SETD2: variants seen among roughly 807,000 people sequenced by gnomAD.
SETD2 encodes SET domain containing 2, histone lysine methyltransferase.
In SETD2, 31 loss-of-function variants were observed where a neutral mutation model predicts 242.1. The ratio of observed to expected loss-of-function variants is 0.13; its 90% CI spans 0.10 to 0.17. The LOEUF (loss-of-function observed/expected upper bound fraction) is 0.17, where lower values mean the gene tolerates loss of function less well. Ranked by LOEUF, SETD2 falls within the 10% of genes least tolerant of loss-of-function variation. The pLI is 1.00. For synonymous variants in SETD2, 1,006 were observed against 1,066.5 expected (o/e 0.94, Z 1.11); for missense variants, 2,481 against 3,046.3 (o/e 0.81, Z 4.37).
rs1251864755 is a variant in SETD2, at chr3:47,124,498, G to C, written c.138C>G (p.Phe46Leu). Reference protein sequence around the residue: ...QKTGFIKGPMFKGVASSRFLP... With the variant: ...QKTGFIKGPMLKGVASSRFLP... The stretch of plus-strand genomic sequence containing the variant: ...AAAATCGACTAGAAGCAACACCTTT[G>C]AACATTGGTCCTTTGATGAAACCTG... The change falls in exon 3 of 21, where the codon TTC (phenylalanine) becomes TTG (leucine). Residue 46 changes from phenylalanine to leucine, a missense_variant. By Grantham distance (22) the Phe-to-Leu change is conservative. Transcript: ENST00000409792. 1 of 1,551,026 alleles carries C rather than the reference G, an allele frequency of 6.4e-7. No individual in the cohort carries two copies. The highest frequency in any genetic ancestry group is 1.4e-5 in the African/African-American group (1 of 73,004).
In SETD2 at chr3:47,083,617, T is replaced by A. The variant is rs185047219; in HGVS notation, c.6060+103A>T. On this transcript the variant is annotated intron_variant, in intron 12 of 20. Transcript: ENST00000409792. ...AGTAAGAGAGACAGTATTCCATTTTTCAGAAATATGCATGGCTAAAAAAAG... is the reference window on the plus strand; with the variant it reads ...AGTAAGAGAGACAGTATTCCATTTTACAGAAATATGCATGGCTAAAAAAAG... The A allele has an allele frequency of 2.5e-5, 27 of 1,089,562 alleles. No individual in the cohort carries two copies. In the East Asian group the frequency reaches 6.2e-4, roughly 25 times the overall value. The allele number at this position is 1,089,562 out of a possible 1,614,324, so 67.5% of individuals were successfully genotyped here. A position where few individuals can be genotyped will look rare whatever the true frequency, so the allele number is the denominator to read the frequency against.
At chr3:47,129,580 G>A (rs973435591) in intron 1 of SETD2, among the ~76,000 whole-genome samples, 1 of 152,208 alleles carries the variant, frequency 6.6e-6, no homozygotes. Context: ...GATTGAGGAA[G>A]TGATCTCAAG....
At chr3:47,079,116 A>G (rs1359804940) in intron 12 of SETD2, among the ~76,000 whole-genome samples, 1 of 152,250 alleles carries the variant, frequency 6.6e-6, no homozygotes, top group East Asian at 1.9e-4. Flanking sequence ...CGTCACTAGA[A>G]TGTGTGTAAC....
At chr3:47,129,448 A>G (rs536126903) in intron 1 of SETD2, among the ~76,000 whole-genome samples, 1 of 152,348 alleles carries the variant, frequency 6.6e-6, no homozygotes, top group South Asian at 2.1e-4. Context: ...TTAAACAGAG[A>G]TCATTGTTTT....
At chr3:47,155,303 A>G (rs971248968) in intron 1 of SETD2, among the ~76,000 whole-genome samples, 9 of 152,202 alleles carry the variant, frequency 5.9e-5, no homozygotes, top group Non-Finnish European at 1.3e-4. Context: ...TTCTTAGGTA[A>G]CACTATCAGA....
At chr3:47,073,387 A>G (rs1033246121) in intron 12 of SETD2, among the ~76,000 whole-genome samples, 15 of 152,196 alleles carry the variant, frequency 9.9e-5, no homozygotes, top group African/African-American at 3.6e-4. Flanking sequence ...TAAGGCTAAG[A>G]GGGCCAAAGG....
At chr3:47,118,908 A>G (rs188985586) in intron 3 of SETD2, among the ~76,000 whole-genome samples, 108 of 152,260 alleles carry the variant, frequency 7.1e-4, no homozygotes, top group Middle Eastern at 3.4e-3. Context: ...AAAATATTGA[A>G]TATTTTAAAT....
At chr3:47,081,874 G>A (rs928359604) in intron 12 of SETD2, among the ~76,000 whole-genome samples, 1 of 152,120 alleles carries the variant, frequency 6.6e-6, no homozygotes, top group Non-Finnish European at 1.5e-5. Context: ...TTTACTTAAC[G>A]GCTCCCTTGA....
chr3:47,099,799 T>C (rs540467644), intron 8 of SETD2, among the ~76,000 whole-genome samples: 21 of 152,296 alleles, frequency 1.4e-4, no homozygotes, highest in Admixed American at 2.6e-4. Context: ...GGAAGACTTG[T>C]ACAAAGAAAA....
At chr3:47,051,694 T>C (rs747478333) in intron 15 of SETD2, among the ~76,000 whole-genome samples, 1 of 150,882 alleles carries the variant, frequency 6.6e-6, no homozygotes, top group Non-Finnish European at 1.5e-5. Flanking sequence ...ATTGATTTTA[T>C]AAAATAATAA....
chr3:47,097,934 G>A, intron 9 of SETD2, 21 bp downstream of exon 9: 7 of 1,609,054 alleles, frequency 4.4e-6, no homozygotes, highest in Non-Finnish European at 5.9e-6. Flanking sequence ...TGTGAAAGTT[G>A]AAAGAAAAAT....
At chr3:47,048,697 C>G (rs1206905061) in intron 15 of SETD2, among the ~76,000 whole-genome samples, 1 of 152,086 alleles carries the variant, frequency 6.6e-6, no homozygotes, top group South Asian at 2.1e-4. Context: ...CAACCCTCCT[C>G]CCTCCTCCTC....
At chr3:47,023,236 T>TA (rs1051830840) in intron 18 of SETD2, among the ~76,000 whole-genome samples, 7 of 151,852 alleles carry the variant, frequency 4.6e-5, no homozygotes, top group Admixed American at 1.3e-4. Flanking sequence ...CCGTCTCTAC[T>TA]AAAAAATACA....
At chr3:47,104,240 T>A (rs998665100) in intron 6 of SETD2, among the ~76,000 whole-genome samples, 8 of 151,128 alleles carry the variant, frequency 5.3e-5, no homozygotes, top group South Asian at 2.1e-4. Context: ...AAAAAAAAAA[T>A]TTAAATAATC....
chr3:47,073,237 G>A (rs1040147424), intron 12 of SETD2, among the ~76,000 whole-genome samples: 1 of 151,976 alleles, frequency 6.6e-6, no homozygotes, highest in Admixed American at 6.6e-5. Context: ...TAAAAAGAAA[G>A]TAGAAAAGCA....
At chr3:47,078,374 G>A (rs969398931) in intron 12 of SETD2, among the ~76,000 whole-genome samples, 1 of 152,078 alleles carries the variant, frequency 6.6e-6, no homozygotes, top group Non-Finnish European at 1.5e-5. Context: ...AAACCCAACT[G>A]CGGGGTATTC....
intron 1 of SETD2, among the ~76,000 whole-genome samples, chr3:47,146,208 G>C (rs2043848128): frequency 6.6e-6 from 1 of 152,020 alleles, no homozygotes; most frequent in South Asian, 2.1e-4. Context: ...CAGTCAACCT[G>C]AATTTGAATA....
At chr3:47,103,296 A>G (rs1400154122) in intron 7 of SETD2, 50 bp downstream of exon 7, 1 of 1,253,918 alleles carries the variant, frequency 8.0e-7, no homozygotes, top group South Asian at 1.2e-5. Context: ...TAATGGTCAG[A>G]ACAGCAATCG....
chr3:47,147,930 A>T (rs1471266352), intron 1 of SETD2, among the ~76,000 whole-genome samples: 1 of 151,598 alleles, frequency 6.6e-6, no homozygotes, highest in Admixed American at 6.6e-5. Flanking sequence ...AAAAAAAAAA[A>T]AAAAAAAAAG....
Sources: allele counts gnomAD v4.1 joint callset (sites outside exome capture counted in the v4.1 genomes callset), GRCh38; gene constraint gnomAD v4.1.1; transcripts MANE v1.5; gene names NCBI Gene and HGNC (gene_info 2026-07-23, HGNC 2026-07-21).